The following TUSC3 variants were observed in gnomAD, a reference collection of about 807,000 sequenced individuals.
The protein encoded by TUSC3 is tumor suppressor candidate 3, also known as dolichyl-diphosphooligosaccharide--protein glycosyltransferase subunit TUSC3.
TUSC3 carries 45 observed loss-of-function variants against 44.8 expected under a neutral mutation model. The ratio of observed to expected loss-of-function variants is 1.00; its 90% CI spans 0.79 to 1.29. The LOEUF is 1.29. Ranked by LOEUF, TUSC3 falls within the 50% of genes most tolerant of loss-of-function variation. The probability of loss-of-function intolerance (pLI) is 0.00; values close to 1 mark genes in which losing one functional copy is unlikely to be tolerated. For missense variants in TUSC3, 519 were observed against 437.9 expected (o/e 1.19, Z -1.65); for synonymous variants, 212 against 152.9 (o/e 1.39, Z -2.85).
At chr8:15,499,889 C>T (rs962591495) in intron 2 of TUSC3, among the ~76,000 whole-genome samples, 3 of 152,314 alleles carry the variant, frequency 2.0e-5, no homozygotes, top group Admixed American at 2.0e-4. Flanking sequence ...CATACGTACA[C>T]ACACACACAT....
chr8:15,677,197 A>C (rs1808229778), intron 6 of TUSC3, among the ~76,000 whole-genome samples: 1 of 151,878 alleles, frequency 6.6e-6, no homozygotes, highest in Admixed American at 6.6e-5. Flanking sequence ...ATAGGGTCTC[A>C]CTGTGTTGTC....
At chr8:15,759,569 T>C (rs1032194440) in intron 10 of TUSC3, among the ~76,000 whole-genome samples, 1 of 152,060 alleles carries the variant, frequency 6.6e-6, no homozygotes, top group Non-Finnish European at 1.5e-5. Context: ...AAACAAGCTT[T>C]TGATATACCC....
chr8:15,511,288 G>C (rs1801132853), intron 2 of TUSC3, among the ~76,000 whole-genome samples: 1 of 151,976 alleles, frequency 6.6e-6, no homozygotes, highest in South Asian at 2.1e-4. Context: ...AGGGAGGGAG[G>C]GAGGTGAGGA....
chr8:15,499,856 C>G (rs1007350181), intron 2 of TUSC3, among the ~76,000 whole-genome samples: 1 of 152,068 alleles, frequency 6.6e-6, no homozygotes, highest in Non-Finnish European at 1.5e-5. Context: ...GTGTATGAGC[C>G]AAATCCTCAT....
chr8:15,687,670 C>G (rs1035087776), intron 6 of TUSC3, among the ~76,000 whole-genome samples: 1 of 152,192 alleles, frequency 6.6e-6, no homozygotes, highest in African/African-American at 2.4e-5. Context: ...TGCTGCCTAT[C>G]TATGATCCTG....
intron 1 of TUSC3, among the ~76,000 whole-genome samples, chr8:15,443,195 T>A (rs1328225378): frequency 6.6e-6 from 1 of 151,984 alleles, no homozygotes; most frequent in Non-Finnish European, 1.5e-5. Flanking sequence ...AGAAGGCATC[T>A]CACACTGTCA....
At chr8:15,612,817 G>C (rs754718271) in intron 1 of TUSC3, among the ~76,000 whole-genome samples, 7 of 151,796 alleles carry the variant, frequency 4.6e-5, no homozygotes, top group Non-Finnish European at 8.8e-5. Context: ...CAGATTTATG[G>C]CATCTTGGAC....
chr8:15,662,907 C>A lies in TUSC3; in HGVS notation c.708+611C>A, dbSNP rs35854756. On this transcript the variant is annotated intron_variant, in intron 5 of 10. Coordinates refer to ENST00000503731, the MANE Select transcript of TUSC3 (RefSeq NM_006765.4). Reference sequence around the variant, plus strand: ...CCCAGATTGTGACATGAGCTGAATTCTGTAGAAGAAAATGAAATTCTAAAG... The same window carrying A: ...CCCAGATTGTGACATGAGCTGAATTATGTAGAAGAAAATGAAATTCTAAAG... Among the ~76,000 whole-genome samples, 74 of 151,804 alleles carry A rather than the reference C, an allele frequency of 4.9e-4. 2 individuals are homozygous for A. The Middle Eastern group carries it at 0.017, about 35-fold the overall frequency.
chr8:15,721,600 T>G (rs912996832), intron 6 of TUSC3, among the ~76,000 whole-genome samples: 4 of 151,954 alleles, frequency 2.6e-5, no homozygotes, highest in African/African-American at 9.7e-5. Context: ...TGCTGAAGGA[T>G]GTAATACTTT....
the TUSC3 span, among the ~76,000 whole-genome samples, chr8:15,778,673 C>T: frequency 7.9e-5 from 12 of 152,044 alleles, no homozygotes; most frequent in Admixed American, 6.6e-5. Context: ...GATTTTTATG[C>T]CAAATAGGGA....
At chr8:15,590,714 C>T (rs1803794406) in intron 1 of TUSC3, among the ~76,000 whole-genome samples, 1 of 151,674 alleles carries the variant, frequency 6.6e-6, no homozygotes. Context: ...CTCTGTTGCC[C>T]AGGCTGGAGT....
At chr8:15,630,063 T>C (rs1315557914) in intron 2 of TUSC3, among the ~76,000 whole-genome samples, 1 of 152,182 alleles carries the variant, frequency 6.6e-6, no homozygotes, top group African/African-American at 2.4e-5. Flanking sequence ...TCATAATTGC[T>C]AACTCTTTTA....
chr8:15,703,815 A>G (rs1013760940), intron 6 of TUSC3, among the ~76,000 whole-genome samples: 1 of 152,116 alleles, frequency 6.6e-6, no homozygotes. Context: ...CCCACCTCCA[A>G]CAAATGGGGA....
intron 5 of TUSC3, among the ~76,000 whole-genome samples, chr8:15,673,010 C>A (rs1445847984): frequency 6.6e-6 from 1 of 151,986 alleles, no homozygotes; most frequent in African/African-American, 2.4e-5. Flanking sequence ...AGTCCCAGTT[C>A]ATTAACTTTA....
the TUSC3 span, among the ~76,000 whole-genome samples, chr8:15,840,040 T>G: frequency 6.6e-6 from 1 of 152,142 alleles, no homozygotes; most frequent in African/African-American, 2.4e-5. Context: ...TGGAATACTA[T>G]GCAGCCATAA....
chr8:15,423,969 G>GTTTTTGTTTTGT (rs1563247134), intron 1 of TUSC3, among the ~76,000 whole-genome samples: 97 of 70,388 alleles, frequency 1.4e-3, no homozygotes, highest in African/African-American at 3.7e-3. Flanking sequence ...GTTTTGCTTT[G>GTTTTTGTTTTGT]TTTTTTTTTT....
chr8:15,788,243 T>C, the TUSC3 span, among the ~76,000 whole-genome samples: 3 of 150,864 alleles, frequency 2.0e-5, no homozygotes, highest in Non-Finnish European at 3.0e-5. Flanking sequence ...CATTCTTCCA[T>C]TCTTGTGGGG....
At chr8:15,780,144 C>T in the TUSC3 span, among the ~76,000 whole-genome samples, 2 of 152,166 alleles carry the variant, frequency 1.3e-5, no homozygotes, top group African/African-American at 2.4e-5. Context: ...ACCAAATAAA[C>T]ATATGTTCAT....
At chr8:15,431,632 T>C (rs1023286201) in intron 1 of TUSC3, among the ~76,000 whole-genome samples, 1 of 147,962 alleles carries the variant, frequency 6.8e-6, no homozygotes, top group Non-Finnish European at 1.5e-5. Flanking sequence ...GAAATAACTT[T>C]GCTTCTTCCT....
Sources: gnomAD v4.1 joint callset for allele counts (sites outside exome capture counted in the v4.1 genomes callset) on GRCh38, gnomAD v4.1.1 for gene constraint, MANE v1.5 for transcripts, NCBI Gene and HGNC (gene_info 2026-07-23, HGNC 2026-07-21) for gene names.